UTP20: variants seen among roughly 807,000 people sequenced by gnomAD.
UTP20 encodes UTP20 small subunit processome component.
UTP20 carries 164 observed loss-of-function variants against 329.5 expected under a neutral mutation model. The observed-to-expected ratio is 0.50, with a 90% confidence interval of 0.44 to 0.57. UTP20 has a LOEUF of 0.57. Among genes scored for constraint, UTP20 ranks in the 20% least tolerant of loss-of-function variants. The probability of loss-of-function intolerance (pLI) is 0.00; values close to 1 mark genes in which losing one functional copy is unlikely to be tolerated. For missense variants in UTP20, 3,055 were observed against 3,284.2 expected (o/e 0.93, Z 1.71); for synonymous variants, 1,151 against 1,159.3 (o/e 0.99, Z 0.14).
intron 12 of UTP20, among the ~76,000 whole-genome samples, chr12:101,296,591 A>G (rs1283599054): frequency 6.7e-6 from 1 of 150,054 alleles, no homozygotes; most frequent in African/African-American, 2.5e-5. Flanking sequence ...AAAGAAAAAT[A>G]CAAAAAATTA....
At chr12:101,296,494 CCGGGAGG>C (rs1296687958) in intron 12 of UTP20, among the ~76,000 whole-genome samples, 1 of 151,126 alleles carries the variant, frequency 6.6e-6, no homozygotes, top group Admixed American at 6.6e-5. Context: ...TGGCGTGAAC[CCGGGAGG>C]TGGAGCTTGC....
intron 38 of UTP20, among the ~76,000 whole-genome samples, 177 bp from the exon 39 acceptor site, chr12:101,351,878 T>A (rs1214761057): frequency 1.3e-5 from 2 of 152,192 alleles, no homozygotes; most frequent in Non-Finnish European, 2.9e-5. Flanking sequence ...ATGATGTCAT[T>A]CCTTTAAATC....
At chr12:101,326,070 A>C (rs1210918506) in intron 25 of UTP20, among the ~76,000 whole-genome samples, 1 of 152,242 alleles carries the variant, frequency 6.6e-6, no homozygotes, top group East Asian at 1.9e-4. Flanking sequence ...ATTCATTCAA[A>C]GTGCAAGATA....
chr12:101,286,879 A>G (rs879266371), intron 5 of UTP20, among the ~76,000 whole-genome samples: 15 of 152,136 alleles, frequency 9.9e-5, no homozygotes, highest in South Asian at 2.1e-4. Context: ...TGTCCTCTCT[A>G]CACCTGGTAT....
At position 101,329,253 on chromosome 12, in the gene UTP20, C is replaced by T; in HGVS notation, c.3221C>T (p.Ser1074Phe). 12 of 1,614,096 alleles carry T rather than the reference C, an allele frequency of 7.4e-6. No homozygotes were observed. Among genetic ancestry groups the T allele is most frequent in the Non-Finnish European group, 8.5e-6 (10 of 1,180,000 alleles). Residue 1074 changes from serine (S) to phenylalanine (F), a missense_variant, in exon 27 of 62, where the codon TCT (serine) becomes TTT (phenylalanine). By Grantham distance (155) the Ser-to-Phe change is radical. Coordinates refer to ENST00000261637, the MANE Select transcript of UTP20 (RefSeq NM_014503.3). Reference sequence around the variant, plus strand: ...TTTGTTTCACTAGGAGAGTGCCATTCTGCAGTCATTCAAGCAGTAGAAGAC... The same window carrying T: ...TTTGTTTCACTAGGAGAGTGCCATTTTGCAGTCATTCAAGCAGTAGAAGAC... The part of the protein sequence containing the change: ...VRHFKNGECH[S>F]AVIQAVEDLD...
intron 57 of UTP20, among the ~76,000 whole-genome samples, chr12:101,380,550 G>A (rs1190893400): frequency 6.6e-6 from 1 of 152,058 alleles, no homozygotes; most frequent in Non-Finnish European, 1.5e-5. Flanking sequence ...TTGGACTGTA[G>A]TAAAGTGCTC....
intron 25 of UTP20, among the ~76,000 whole-genome samples, chr12:101,325,578 C>A (rs1397581989): frequency 1.3e-5 from 2 of 152,186 alleles, no homozygotes; most frequent in Non-Finnish European, 2.9e-5. Flanking sequence ...TGAGTCTTGA[C>A]CCTGAGTACA....
chr12:101,326,956 G>C, intron 25 of UTP20, 125 bp from the exon 26 acceptor site: 3 of 948,016 alleles, frequency 3.2e-6, no homozygotes, highest in Non-Finnish European at 4.6e-6. Context: ...CTATTTTCAT[G>C]TTTCTGTGTT....
At chr12:101,370,683 G>T in intron 50 of UTP20, 120 bp downstream of exon 50, 1 of 1,115,362 alleles carries the variant, frequency 9.0e-7, no homozygotes. Flanking sequence ...AATTTGTAAA[G>T]ATTATTATGA....
At position 101,308,205 on chromosome 12, in the gene UTP20, G is replaced by A; in HGVS notation, c.2016G>A (p.Arg672=). The A allele has an allele frequency of 6.2e-7, 1 of 1,610,014 alleles. No individual in the cohort carries two copies. The highest frequency in any genetic ancestry group is 1.1e-5 in the South Asian group (1 of 90,252). The part of the protein sequence containing the change: ...ESMEDDGLSE[R]QSVFAILRQA... Reference sequence around the variant, plus strand: ...TTCAGGATGATGGGCTCTCAGAGCGGCAGTCTGTCTTTGCTATATTACGCC... The same window carrying A: ...TTCAGGATGATGGGCTCTCAGAGCGACAGTCTGTCTTTGCTATATTACGCC... Residue 672 remains arginine (R), a synonymous_variant, in exon 18 of 62, where the codon CGG becomes CGA. Coordinates refer to ENST00000261637, the MANE Select transcript of UTP20 (RefSeq NM_014503.3).
At chr12:101,369,557 G>T (rs186932408) in intron 48 of UTP20, among the ~76,000 whole-genome samples, 164 bp from the exon 49 acceptor site, 84 of 152,352 alleles carry the variant, frequency 5.5e-4, no homozygotes, top group African/African-American at 2.0e-3. Context: ...AATTGTAAAT[G>T]TCTTTATCTT....
rs1264940897 is a variant in UTP20 at position 101,373,708 on chromosome 12, A to G, written c.7072A>G (p.Ser2358Gly). The G allele has an allele frequency of 1.2e-6, 2 of 1,611,958 alleles. No homozygotes were observed. The highest frequency in any genetic ancestry group is 1.7e-6 in the Non-Finnish European group (2 of 1,179,646). Reference protein sequence around the residue: ...MTIKSLLGKISLEKKDWLFDM... With the variant: ...MTIKSLLGKIGLEKKDWLFDM... ...AATCAAGTCCCTACTTGGTAAAATC[A>G]GCCTCGAGAAAAAAGATTGGCTGTT... is the stretch of plus-strand genomic sequence containing the variant. The change falls in exon 54 of 62, where the codon AGC (serine) becomes GGC (glycine). Residue 2358 changes from serine (S) to glycine (G), a missense_variant. This residue lies in a region of UTP20 where 273 missense variants were observed against 363.1 expected (regional missense o/e 0.75). Transcript: ENST00000261637.
At chr12:101,372,388 G>A (rs143843273) in intron 51 of UTP20, among the ~76,000 whole-genome samples, 126 of 152,322 alleles carry the variant, frequency 8.3e-4, no homozygotes, top group African/African-American at 2.9e-3. Context: ...CTATTATCAC[G>A]AACTTCTTAA....
chr12:101,381,120 T>C lies in UTP20; in HGVS notation c.7585-20T>C, dbSNP rs1479759595. ...AAATGTCCTGTGTTTTGTCTACCAATGTCCATTTTCTTTTCACAGATGAAA... is the reference window on the plus strand; with the variant it reads ...AAATGTCCTGTGTTTTGTCTACCAACGTCCATTTTCTTTTCACAGATGAAA... On this transcript the variant is annotated intron_variant, in intron 57 of 61. Coordinates refer to ENST00000261637, the MANE Select transcript of UTP20 (RefSeq NM_014503.3). 6.3e-7 allele frequency: 1 copy of C among 1,593,996 alleles called. No individual in the cohort carries two copies. The highest frequency in any genetic ancestry group is 1.1e-5 in the South Asian group (1 of 90,666).
chr12:101,320,864 C>G lies in UTP20; in HGVS notation c.2842C>G (p.Gln948Glu), dbSNP rs1450610436. 6.2e-7 allele frequency: 1 copy of G among 1,610,698 alleles called. No homozygotes were observed. ...YELYLQLLLH[Q>E]DQMVQKITLD... ...ATACTGTTCTTAGTTGTTGCTACACCAAGATCAAATGGTGCAAAAAATAAC... is the reference window on the plus strand; with the variant it reads ...ATACTGTTCTTAGTTGTTGCTACACGAAGATCAAATGGTGCAAAAAATAAC... The change falls in exon 24 of 62, where the codon CAA (glutamine) becomes GAA (glutamate). Residue 948 changes from glutamine to glutamate, a missense_variant. Around this residue, in one of 3 missense-constraint regions of UTP20, gnomAD observed 2,445 missense variants for 2,575.5 expected, o/e 0.95. Transcript: ENST00000261637.
At chr12:101,287,843 A>G (rs564372086) in intron 5 of UTP20, among the ~76,000 whole-genome samples, 1 of 152,356 alleles carries the variant, frequency 6.6e-6, no homozygotes, top group East Asian at 1.9e-4. Context: ...CTCTTCTCAC[A>G]AAGTTTACAT....
chr12:101,382,268 G>A (rs999372794), intron 58 of UTP20, among the ~76,000 whole-genome samples: 7 of 151,770 alleles, frequency 4.6e-5, no homozygotes, highest in African/African-American at 1.2e-4. Context: ...AGCTGAGCAC[G>A]GTAGCCTGTA....
rs190130160 is a variant in UTP20 at position 101,327,307 on chromosome 12, C to T, written c.3208+60C>T. 2.1e-6 allele frequency: 3 copies of T among 1,423,932 alleles called. No individual in the cohort carries two copies. The East Asian group carries it at 7.5e-5, about 35-fold the overall frequency. The allele number at this position is 1,423,932 out of a possible 1,614,324, so 88.2% of individuals were successfully genotyped here. ...TGTCTGCGGTGGACTTCTCACATCT[C>T]AGGCTACATTTCCCATGCTCCTGGG... On this transcript the variant is annotated intron_variant, in intron 26 of 61. Coordinates refer to ENST00000261637, the MANE Select transcript of UTP20 (RefSeq NM_014503.3).
intron 14 of UTP20, among the ~76,000 whole-genome samples, chr12:101,300,811 C>T (rs1230895055): frequency 4.6e-5 from 7 of 152,148 alleles, no homozygotes; most frequent in East Asian, 1.9e-4. Context: ...AAAGTGGACT[C>T]GCCGCATGTC....
Sources: gnomAD v4.1 joint callset for allele counts (sites outside exome capture counted in the v4.1 genomes callset) on GRCh38, gnomAD v4.1.1 for gene constraint, gnomAD v4.1.1 regional missense constraint, MANE v1.5 for transcripts, NCBI Gene and HGNC (gene_info 2026-07-23, HGNC 2026-07-21) for gene names.